The following EML5 variants were observed in gnomAD, a reference collection of about 807,000 sequenced individuals.
EML5 encodes the protein echinoderm microtubule-associated protein-like 5.
EML5 carries 120 observed loss-of-function variants against 250.0 expected under a neutral mutation model. That is an observed-to-expected ratio of 0.48 (90% CI 0.41 to 0.56). EML5 has a LOEUF of 0.56. Ranked by LOEUF, EML5 falls within the 20% of genes least tolerant of loss-of-function variation. EML5 has a pLI of 0.00. For missense variants in EML5, 2,006 were observed against 2,437.6 expected, an observed-to-expected ratio of 0.82 and a Z score of 3.73; for synonymous variants, 771 against 806.5, an observed-to-expected ratio of 0.96 and a Z score of 0.75.
At chr14:88,733,491 G>T (rs2140166541) in intron 7 of EML5, among the ~76,000 whole-genome samples, 1 of 152,308 alleles carries the variant, frequency 6.6e-6, no homozygotes, top group East Asian at 1.9e-4. Flanking sequence ...CCAATAACAG[G>T]AACAGTAGTC....
intron 8 of EML5, among the ~76,000 whole-genome samples, chr14:88,724,063 G>T (rs1428835127): frequency 6.6e-6 from 1 of 150,954 alleles, no homozygotes; most frequent in Non-Finnish European, 1.5e-5. Context: ...AGGGTCAGGA[G>T]ATCAAGACCA....
chr14:88,643,993 T>C (rs1170736405), intron 30 of EML5, among the ~76,000 whole-genome samples: 7 of 152,176 alleles, frequency 4.6e-5, no homozygotes, highest in Admixed American at 4.6e-4. Flanking sequence ...AAGGTTACTT[T>C]GGCTGGAAGC....
intron 30 of EML5, 49 bp downstream of exon 30, chr14:88,644,384 A>T: frequency 6.4e-7 from 1 of 1,560,950 alleles, no homozygotes; most frequent in Non-Finnish European, 8.7e-7. Flanking sequence ...TTTTATAAAA[A>T]AGAACTCTGG....
intron 17 of EML5, among the ~76,000 whole-genome samples, chr14:88,689,207 T>C (rs1406907599): frequency 6.6e-6 from 1 of 152,202 alleles, no homozygotes; most frequent in African/African-American, 2.4e-5. Context: ...GCCTCTTCTA[T>C]ACAAGTGCAA....
intron 1 of EML5, among the ~76,000 whole-genome samples, chr14:88,767,024 G>T (rs1046463613): frequency 6.6e-6 from 1 of 152,136 alleles, no homozygotes; most frequent in East Asian, 1.9e-4. Flanking sequence ...AAATTGTTGA[G>T]ATTTTAGTAA....
intron 8 of EML5, among the ~76,000 whole-genome samples, chr14:88,719,101 T>G (rs2093550262): frequency 6.6e-6 from 1 of 152,126 alleles, no homozygotes; most frequent in Admixed American, 6.6e-5. Context: ...AAAATGACAA[T>G]TTGACTAGGC....
chr14:88,665,673 G>A (rs1426710706), intron 21 of EML5, among the ~76,000 whole-genome samples, 184 bp from the exon 22 acceptor site: 2 of 152,184 alleles, frequency 1.3e-5, no homozygotes, highest in African/African-American at 4.8e-5. Flanking sequence ...CCAGTAGGCA[G>A]AGTAGGGGAA....
chr14:88,647,528 C>T (rs539951603), intron 28 of EML5, among the ~76,000 whole-genome samples: 1 of 151,580 alleles, frequency 6.6e-6, no homozygotes, highest in Non-Finnish European at 1.5e-5. Context: ...GAGACCCCAT[C>T]TCTATAAAAA....
chr14:88,715,324 C>T (rs1025814085), intron 8 of EML5, 129 bp from the exon 9 acceptor site: 5 of 899,520 alleles, frequency 5.6e-6, no homozygotes, highest in Non-Finnish European at 8.1e-6. Flanking sequence ...ACATAAATAA[C>T]ACAAGTAGTA....
In EML5 at chr14:88,702,507, T is replaced by C. The variant is rs367696128; in HGVS notation, c.2177A>G (p.His726Arg). 1.2e-5 allele frequency: 20 copies of C among 1,613,422 alleles called. No homozygotes were observed. Among genetic ancestry groups the C allele is most frequent in the Non-Finnish European group, 1.7e-5 (20 of 1,179,658 alleles). The change falls in exon 14 of 44, where the codon CAT (histidine) becomes CGT (arginine). Residue 726 changes from histidine to arginine, a missense_variant. Physicochemically the swap from His to Arg is conservative, Grantham distance 29 (BLOSUM62 0). Transcript: ENST00000554922. The part of the protein sequence containing the change: ...QQNTQRFYLG[H>R]DDDILCLTIH... ...AGTTAGGCAGAGAATATCATCATCA[T>C]GACCCAGATAAAAACGCTGTGTGTT...
At chr14:88,736,174 T>A (rs2093837727) in intron 7 of EML5, among the ~76,000 whole-genome samples, 190 bp downstream of exon 7, 1 of 152,074 alleles carries the variant, frequency 6.6e-6, no homozygotes. Flanking sequence ...CTAATTTTTG[T>A]ATTTTTAGTA....
chr14:88,642,968 C>T lies in EML5; in HGVS notation c.4162G>A (p.Val1388Ile), dbSNP rs756348768. The T allele has an allele frequency of 2.5e-6, 4 of 1,606,360 alleles. No individual in the cohort carries two copies. Among genetic ancestry groups the T allele is most frequent in the Non-Finnish European group, 3.4e-6 (4 of 1,177,676 alleles). Residue 1388 changes from valine to isoleucine, a missense_variant, in exon 31 of 44, where the codon GTT becomes ATT. Physicochemically the swap from Val to Ile is conservative, Grantham distance 29. Around this residue, in one of 7 missense-constraint regions of EML5, gnomAD observed 1,375 missense variants for 1,590.3 expected, o/e 0.86. Transcript: ENST00000554922. ...GYRGRDCRNN[V>I]HYLNDGDDII... ...TCATCACCATCATTTAAATAGTGAA[C>T]ATTATTCCTACAGTCTCTGCCTCGA...
At chr14:88,654,924 GT>G (rs1414341959) in intron 27 of EML5, among the ~76,000 whole-genome samples, 1 of 152,034 alleles carries the variant, frequency 6.6e-6, no homozygotes, top group Non-Finnish European at 1.5e-5. Flanking sequence ...CTCTTTGTAG[GT>G]CTCTAAGAAC....
rs2093908315 is a variant in EML5 at position 88,740,437 on chromosome 14, A to G, written c.661T>C (p.Tyr221His). ...TYSGALNGDIYVWKGINLIRT... is the reference protein window; with the variant it reads ...TYSGALNGDIHVWKGINLIRT... ...ATAAGATTGATTCCTTTCCAAACAT[A>G]TATATCCCCATTGAGTGCACCAGAA... The change falls in exon 5 of 44, where the codon TAT becomes CAT. Residue 221 changes from tyrosine (Y) to histidine (H), a missense_variant. Coordinates refer to ENST00000554922, the MANE Select transcript of EML5 (RefSeq NM_183387.3). 1 of 1,613,780 alleles carries G rather than the reference A, an allele frequency of 6.2e-7. No homozygotes were observed. The highest frequency in any genetic ancestry group is 2.2e-5 in the East Asian group (1 of 44,858).
At position 88,792,763 on chromosome 14, in the gene EML5, C is replaced by G. The variant is rs949213160; in HGVS notation, c.-260G>C. Reference sequence around the variant, plus strand: ...CAAGTGGATGCCCAGAGCCCTTCGCCCGCCTCGGCTCGCCTAGTCTCCTCA... The same window carrying G: ...CAAGTGGATGCCCAGAGCCCTTCGCGCGCCTCGGCTCGCCTAGTCTCCTCA... On this transcript the variant is annotated 5_prime_UTR_variant, in exon 1 of 44. Coordinates refer to ENST00000554922, the MANE Select transcript of EML5 (RefSeq NM_183387.3). This position sits in a 1 kb window ranked among gnomAD's most constrained non-coding sequence, Gnocchi z 6.9. 8.6e-6 allele frequency: 9 copies of G among 1,045,238 alleles called. No homozygotes were observed. In the African/African-American group the frequency reaches 1.4e-4, roughly 16 times the overall value. The allele number at this position is 1,045,238 out of a possible 1,614,324, so 64.7% of individuals were successfully genotyped here.
intron 20 of EML5, among the ~76,000 whole-genome samples, chr14:88,684,380 C>A (rs1394903481): frequency 1.5e-5 from 2 of 133,080 alleles, no homozygotes; most frequent in Non-Finnish European, 3.1e-5. Flanking sequence ...CCGTTTTAGC[C>A]GGGATGGTCT....
In EML5 at chr14:88,625,888, G is replaced by A. The variant is rs572707604; in HGVS notation, c.4741-761C>T. On this transcript the variant is annotated intron_variant, in intron 35 of 43. Transcript: ENST00000554922. Reference sequence around the variant, plus strand: ...AAACAAAAAATGCACTTAGTTTTTCGATGCACCAAAGGATTTATACAGCCT... The same window carrying A: ...AAACAAAAAATGCACTTAGTTTTTCAATGCACCAAAGGATTTATACAGCCT... The A allele has an allele frequency of 5.3e-5, 8 of 152,190 alleles. No homozygotes were observed. In the South Asian group the frequency reaches 1.0e-3, roughly 20 times the overall value. The allele number at this position is 152,190 out of a possible 1,614,324, so 9.4% of individuals were successfully genotyped here.
intron 1 of EML5, among the ~76,000 whole-genome samples, chr14:88,767,562 C>T (rs552049924): frequency 3.3e-5 from 5 of 152,296 alleles, no homozygotes; most frequent in African/African-American, 4.8e-5. Flanking sequence ...AATATTGTTA[C>T]ACTGTAAGAG....
At chr14:88,748,999 A>AG (rs1051088661) in intron 2 of EML5, among the ~76,000 whole-genome samples, 6 of 151,702 alleles carry the variant, frequency 4.0e-5, no homozygotes, top group Non-Finnish European at 5.9e-5. Flanking sequence ...ACAGAGGAAA[A>AG]GAAAAAAAAA....
Sources: allele counts gnomAD v4.1 joint callset (sites outside exome capture counted in the v4.1 genomes callset), GRCh38; gene constraint gnomAD v4.1.1; regional missense constraint gnomAD v4.1.1; non-coding constraint Gnocchi (gnomAD v3.1); transcripts MANE v1.5; gene names NCBI Gene and HGNC (gene_info 2026-07-23, HGNC 2026-07-21).